The following ECT2L variants were observed in gnomAD, a reference collection of about 807,000 sequenced individuals.
The protein encoded by ECT2L is epithelial cell transforming 2 like.
In ECT2L, 126 loss-of-function variants were observed where a neutral mutation model predicts 122.8. The observed-to-expected ratio is 1.03, with a 90% CI of 0.89 to 1.19. ECT2L has a LOEUF of 1.19. ECT2L is among the 50% of genes most tolerant of loss of function. ECT2L has a pLI of 0.00. For synonymous variants in ECT2L, 385 were observed against 381.8 expected (o/e 1.01, Z -0.10); for missense variants, 1,012 against 1,064.1 (o/e 0.95, Z 0.68).
intron 4 of ECT2L, among the ~76,000 whole-genome samples, chr6:138,829,138 C>T (rs935435637): frequency 6.6e-6 from 1 of 151,936 alleles, no homozygotes. Flanking sequence ...GATTACAGGG[C>T]GTGAGCCACC....
chr6:138,896,561 C>T (rs565141207), intron 20 of ECT2L, among the ~76,000 whole-genome samples: 9 of 152,294 alleles, frequency 5.9e-5, no homozygotes, highest in African/African-American at 1.9e-4. Flanking sequence ...CTGTGATCCA[C>T]CAGGCTAGGT....
intron 1 of ECT2L, among the ~76,000 whole-genome samples, chr6:138,811,479 T>C (rs1459601112): frequency 6.6e-6 from 1 of 152,146 alleles, no homozygotes; most frequent in Admixed American, 6.6e-5. Flanking sequence ...CCATTATTAT[T>C]GTATTTGCAG....
At chr6:138,825,197 G>C (rs1461226610) in intron 4 of ECT2L, among the ~76,000 whole-genome samples, 2 of 152,182 alleles carry the variant, frequency 1.3e-5, no homozygotes, top group Non-Finnish European at 2.9e-5. Context: ...GAGAATGACT[G>C]TTCTATCTGG....
intron 4 of ECT2L, among the ~76,000 whole-genome samples, chr6:138,824,790 A>G (rs1776386019): frequency 6.6e-6 from 1 of 152,090 alleles, no homozygotes; most frequent in Admixed American, 6.5e-5. Flanking sequence ...CTAAAACTCC[A>G]CTATCATCAC....
At chr6:138,824,993 T>C (rs1484709920) in intron 4 of ECT2L, among the ~76,000 whole-genome samples, 1 of 152,242 alleles carries the variant, frequency 6.6e-6, no homozygotes, top group African/African-American at 2.4e-5. Context: ...GCATGCATTA[T>C]GCGTCATTTC....
intron 9 of ECT2L, 48 bp downstream of exon 9, chr6:138,849,482 G>GCACTTTGTC (rs1156593578): frequency 1.3e-6 from 2 of 1,542,184 alleles, no homozygotes; most frequent in Non-Finnish European, 1.7e-6. Context: ...TTCGCGCTGT[G>GCACTTTGTC]CACTTTGTCC....
intron 16 of ECT2L, among the ~76,000 whole-genome samples, chr6:138,883,868 T>C (rs1778722072): frequency 6.6e-6 from 1 of 152,168 alleles, no homozygotes; most frequent in Non-Finnish European, 1.5e-5. Flanking sequence ...TATTTGGTTG[T>C]GGGGTTTGTT....
intron 4 of ECT2L, among the ~76,000 whole-genome samples, chr6:138,825,499 C>T (rs1011475640): frequency 3.3e-5 from 5 of 152,058 alleles, no homozygotes; most frequent in African/African-American, 1.2e-4. Flanking sequence ...AGGAGATTCA[C>T]TTGAACACAG....
chr6:138,877,535 T>TA lies in ECT2L; in HGVS notation c.1665+984dup, dbSNP rs534870213. ...ACATACAGAAATACACATATAATAT[T>TA]AAAAAAATAATATGGACTGTAAGCC... is the stretch of plus-strand genomic sequence containing the variant. On this transcript the variant is annotated intron_variant, in intron 14 of 21. Coordinates refer to ENST00000541398, the MANE Select transcript of ECT2L (RefSeq NM_001077706.3). Among the ~76,000 whole-genome samples, 254 of 152,242 alleles carry TA rather than the reference T, an allele frequency of 1.7e-3. 1 individual carries two copies. In the Middle Eastern group the frequency reaches 0.037, roughly 22 times the overall value.
intron 18 of ECT2L, among the ~76,000 whole-genome samples, chr6:138,886,389 T>C (rs539138429): frequency 2.6e-5 from 4 of 152,128 alleles, no homozygotes; most frequent in South Asian, 2.1e-4. Flanking sequence ...TTTTAAAACA[T>C]TGGGTACAGA....
chr6:138,847,659 A>G (rs537080059), intron 8 of ECT2L, among the ~76,000 whole-genome samples: 1 of 151,596 alleles, frequency 6.6e-6, no homozygotes, highest in African/African-American at 2.4e-5. Flanking sequence ...TTACAGGCGT[A>G]AGCCACCGCA....
chr6:138,848,998 G>A (rs967669069), intron 8 of ECT2L, among the ~76,000 whole-genome samples: 3 of 152,098 alleles, frequency 2.0e-5, no homozygotes, highest in Non-Finnish European at 2.9e-5. Flanking sequence ...TGTGCATGGC[G>A]TGCATAAAGA....
At chr6:138,888,883 A>C (rs1247523659) in intron 19 of ECT2L, 60 bp from the exon 20 acceptor site, 1 of 724,664 alleles carries the variant, frequency 1.4e-6, no homozygotes, top group African/African-American at 1.8e-5. Flanking sequence ...AATGGTTTGC[A>C]GTAGTAATTT....
At chr6:138,862,398 A>C (rs1777866494) in intron 10 of ECT2L, among the ~76,000 whole-genome samples, 1 of 152,022 alleles carries the variant, frequency 6.6e-6, no homozygotes. Flanking sequence ...ACACACTTTT[A>C]AACAACCAGA....
intron 5 of ECT2L, among the ~76,000 whole-genome samples, chr6:138,842,641 G>A (rs1052475852): frequency 1.3e-5 from 2 of 150,468 alleles, no homozygotes; most frequent in Admixed American, 1.3e-4. Flanking sequence ...GCGTGGTGGC[G>A]GGTGCCTGTA....
intron 4 of ECT2L, among the ~76,000 whole-genome samples, chr6:138,829,764 C>T (rs942186387): frequency 9.9e-5 from 15 of 151,444 alleles, no homozygotes; most frequent in African/African-American, 3.6e-4. Context: ...ACTCTGTTTC[C>T]CAGGCTGGAG....
At chr6:138,852,863 A>C (rs188376466) in intron 9 of ECT2L, among the ~76,000 whole-genome samples, 307 of 152,168 alleles carry the variant, frequency 2.0e-3, no homozygotes, top group African/African-American at 7.1e-3. Context: ...TCTCGTGTGG[A>C]ATGTCCTGTT....
At chr6:138,814,650 C>A in intron 4 of ECT2L, 47 bp downstream of exon 4, 1 of 1,199,622 alleles carries the variant, frequency 8.3e-7, no homozygotes, top group Non-Finnish European at 1.2e-6. Flanking sequence ...TTAAAGAAAA[C>A]CGTATATAAA....
intron 5 of ECT2L, among the ~76,000 whole-genome samples, chr6:138,838,721 G>A (rs578063370): frequency 6.6e-6 from 1 of 152,300 alleles, no homozygotes; most frequent in African/African-American, 2.4e-5. Flanking sequence ...AATAATTCCT[G>A]TTACTTAAAA....
Sources: gnomAD v4.1 joint callset for allele counts (sites outside exome capture counted in the v4.1 genomes callset) on GRCh38, gnomAD v4.1.1 for gene constraint, MANE v1.5 for transcripts, NCBI Gene and HGNC (gene_info 2026-07-23, HGNC 2026-07-21) for gene names.